EDEM1: variants seen among roughly 807,000 people sequenced by gnomAD.
EDEM1 encodes the protein ER degradation enhancing alpha-mannosidase like protein 1.
Under a neutral mutation model 74.4 loss-of-function variants are expected in EDEM1, and 67 were observed. That is an observed-to-expected ratio of 0.90 (90% CI 0.74 to 1.10). The LOEUF is 1.10. EDEM1 is among the 50% of genes least tolerant of loss of function. The pLI is 0.00. For missense variants in EDEM1, 926 were observed against 851.6 expected, an observed-to-expected ratio of 1.09 and a Z score of -1.09; for synonymous variants, 382 against 335.9, an observed-to-expected ratio of 1.14 and a Z score of -1.50.
intron 10 of EDEM1, among the ~76,000 whole-genome samples, chr3:5,212,348 G>A (rs948747667): frequency 6.6e-6 from 1 of 152,226 alleles, no homozygotes; most frequent in Non-Finnish European, 1.5e-5. Flanking sequence ...TCCTGTGTGT[G>A]CAGTGGTTCT....
rs1381678949 is a variant in EDEM1, at chr3:5,217,661, C to T, written c.*1743C>T. On this transcript the variant is annotated 3_prime_UTR_variant, in exon 12 of 12. Coordinates refer to ENST00000256497, the MANE Select transcript of EDEM1 (RefSeq NM_014674.3). ...GTTTTAAAATAGAAAAAATAAAATG[C>T]TTCTATTTTACCTTTTTTCATTTCA... 64 of 152,498 alleles carry T rather than the reference C, an allele frequency of 4.2e-4. No individual in the cohort carries two copies. Among genetic ancestry groups the T allele is most frequent in the Non-Finnish European group, 2.6e-4 (18 of 67,990 alleles). 9.4% of individuals were successfully genotyped at this position (152,498 alleles called of 1,614,324 possible).
At chr3:5,209,112 C>G (rs2055136530) in intron 8 of EDEM1, among the ~76,000 whole-genome samples, 1 of 152,074 alleles carries the variant, frequency 6.6e-6, no homozygotes. Flanking sequence ...GGAGCTAACA[C>G]TAAGATTTGA....
At chr3:5,204,981 G>T in intron 5 of EDEM1, 86 bp from the exon 6 acceptor site, 2 of 1,440,750 alleles carry the variant, frequency 1.4e-6, no homozygotes, top group Non-Finnish European at 1.9e-6. Flanking sequence ...CTGAGGAGCA[G>T]TGTGGTTGGA....
chr3:5,219,792 A>G lies in EDEM1; in HGVS notation c.*3874A>G, dbSNP rs1199518569. The G allele has an allele frequency of 6.5e-6, 1 of 152,672 alleles. No homozygotes were observed. The highest frequency in any genetic ancestry group is 6.5e-5 in the Admixed American group (1 of 15,286). 9.5% of individuals were successfully genotyped at this position (152,672 alleles called of 1,614,324 possible). ...TGTGCAATATGCTTTGCAACTGTAG[A>G]TGATATTTTATGTTTAATCTGTAAA... On this transcript the variant is annotated 3_prime_UTR_variant, in exon 12 of 12. Transcript: ENST00000256497.
intron 1 of EDEM1, among the ~76,000 whole-genome samples, chr3:5,190,817 A>G (rs1207453990): frequency 1.3e-5 from 2 of 152,068 alleles, no homozygotes; most frequent in East Asian, 3.9e-4. Context: ...TGGAAAACTT[A>G]ATTTTTTGTA....
intron 8 of EDEM1, among the ~76,000 whole-genome samples, chr3:5,208,607 G>A (rs928663095): frequency 1.3e-5 from 2 of 152,118 alleles, no homozygotes; most frequent in Non-Finnish European, 2.9e-5. Flanking sequence ...TTTTTAGGAT[G>A]CAATTCTGCA....
In EDEM1 at chr3:5,205,231, T is replaced by C. The variant is rs1221067059; in HGVS notation, c.1207T>C (p.Leu403=). 1 of 1,613,658 alleles carries C rather than the reference T, an allele frequency of 6.2e-7. No homozygotes were observed. Among genetic ancestry groups the C allele is most frequent in the South Asian group, 1.1e-5 (1 of 90,998 alleles). ...TGCATATCAGAGTATTCAGAACTAC[T>C]TAAGAAGAGGGTATGTCTCCCTAAC... ...NAAYQSIQNY[L]RRGREACNEG... is the part of the protein sequence containing the mutation. Residue 403 remains leucine (L), a synonymous_variant, in exon 6 of 12, where the codon TTA becomes CTA. Transcript: ENST00000256497.
rs1196429621 is a variant in EDEM1 at position 5,187,952 on chromosome 3, C to T, written c.147C>T (p.Pro49=). The T allele has an allele frequency of 1.6e-5, 25 of 1,568,606 alleles. No homozygotes were observed. Among genetic ancestry groups the T allele is most frequent in the Non-Finnish European group, 2.1e-5 (24 of 1,161,220 alleles). Residue 49 remains proline, a synonymous_variant, in exon 1 of 12, where the codon CCC becomes CCT. Transcript: ENST00000256497. ...LSFGFQRLRS[P]DGPASPTSGP... is the part of the protein sequence containing the mutation. ...TCGGCTTCCAGCGTCTGAGGAGCCCCGACGGCCCCGCGTCGCCCACCTCGG... is the reference window on the plus strand; with the variant it reads ...TCGGCTTCCAGCGTCTGAGGAGCCCTGACGGCCCCGCGTCGCCCACCTCGG...
At chr3:5,190,327 A>G (rs933444976) in intron 1 of EDEM1, among the ~76,000 whole-genome samples, 1 of 152,220 alleles carries the variant, frequency 6.6e-6, no homozygotes, top group Non-Finnish European at 1.5e-5. Context: ...ATTACCTTTT[A>G]TCAGGTGGAC....
intron 11 of EDEM1, 106 bp downstream of exon 11, chr3:5,213,628 T>G: frequency 8.8e-7 from 1 of 1,133,294 alleles, no homozygotes; most frequent in Non-Finnish European, 1.2e-6. Flanking sequence ...TGTATGCAGA[T>G]TGGGAGATTT....
chr3:5,211,337 C>A (rs1389933882), intron 10 of EDEM1, 121 bp downstream of exon 10: 4 of 960,834 alleles, frequency 4.2e-6, no homozygotes, highest in African/African-American at 1.6e-5. Context: ...TGTGCATTCC[C>A]AGGATGCAAA....
In EDEM1 at chr3:5,207,238, A is replaced by T. The variant is rs1305572736; in HGVS notation, c.1303A>T (p.Ile435Phe). 2 of 1,614,002 alleles carry T rather than the reference A, an allele frequency of 1.2e-6. No individual in the cohort carries two copies. The highest frequency in any genetic ancestry group is 1.7e-6 in the Non-Finnish European group (2 of 1,180,034). ...CAGTGGGCAGCTGATGAACACCTGG[A>T]TTGACTCTCTGCAGGCCTTTTTCCC... ...MFSGQLMNTW[I>F]DSLQAFFPGL... Residue 435 changes from isoleucine (I) to phenylalanine (F), a missense_variant, in exon 7 of 12, where the codon ATT becomes TTT. Transcript: ENST00000256497.
chr3:5,208,007 G>T (rs1559298937), intron 7 of EDEM1, 86 bp from the exon 8 acceptor site: 13 of 1,457,296 alleles, frequency 8.9e-6, no homozygotes, highest in Non-Finnish European at 1.0e-5. Flanking sequence ...CTCGGGGGCA[G>T]AGGAGAGCCC....
intron 1 of EDEM1, chr3:5,188,590 G>T (rs2054859393): frequency 2.7e-6 from 1 of 364,684 alleles, no homozygotes; most frequent in South Asian, 1.3e-4. Flanking sequence ...AGGATACTGA[G>T]GTCCAGGACC....
At chr3:5,200,447 C>T (rs892937053) in intron 3 of EDEM1, among the ~76,000 whole-genome samples, 2 of 152,152 alleles carry the variant, frequency 1.3e-5, no homozygotes, top group African/African-American at 4.8e-5. Flanking sequence ...TCTCTCACTT[C>T]TATTTCTCTC....
chr3:5,205,726 G>C (rs2055087707), intron 6 of EDEM1, among the ~76,000 whole-genome samples: 1 of 152,256 alleles, frequency 6.6e-6, no homozygotes, highest in Admixed American at 6.5e-5. Flanking sequence ...TTCCCCCAGA[G>C]TGAGTGATCT....
At chr3:5,195,015 C>G (rs1575584550) in intron 1 of EDEM1, 194 bp from the exon 2 acceptor site, 1 of 387,972 alleles carries the variant, frequency 2.6e-6, no homozygotes, top group South Asian at 6.4e-5. Context: ...AGTTCTGTGA[C>G]TTGATTCTAC....
chr3:5,215,269 C>G (rs2055218716), intron 11 of EDEM1, among the ~76,000 whole-genome samples: 1 of 132,430 alleles, frequency 7.6e-6, no homozygotes, highest in African/African-American at 3.0e-5. Context: ...AGATGTGCAT[C>G]TGCTTTGAGG....
intron 11 of EDEM1, among the ~76,000 whole-genome samples, chr3:5,215,419 G>A (rs979456762): frequency 2.0e-5 from 3 of 152,166 alleles, no homozygotes; most frequent in African/African-American, 7.2e-5. Flanking sequence ...CTGAAATTCT[G>A]GGCGGACTAA....
Sources: allele counts gnomAD v4.1 joint callset (sites outside exome capture counted in the v4.1 genomes callset), GRCh38; gene constraint gnomAD v4.1.1; transcripts MANE v1.5; gene names NCBI Gene and HGNC (gene_info 2026-07-23, HGNC 2026-07-21).